Variants in SHISA6 observed in about 807,000 individuals in gnomAD.
SHISA6 encodes shisa family member 6, also known as protein shisa-6.
Under a neutral mutation model 47.9 loss-of-function variants are expected in SHISA6, and 22 were observed. The observed-to-expected ratio is 0.46, with a 90% CI of 0.33 to 0.66. The LOEUF (loss-of-function observed/expected upper bound fraction) is 0.66, where lower values mean the gene tolerates loss of function less well. SHISA6 is among the 30% of genes least tolerant of loss of function. The probability of loss-of-function intolerance (pLI) is 0.02; values close to 1 mark genes in which losing one functional copy is unlikely to be tolerated. For missense variants in SHISA6, 680 were observed against 764.6 expected, an observed-to-expected ratio of 0.89 and a Z score of 1.30; for synonymous variants, 388 against 337.8, an observed-to-expected ratio of 1.15 and a Z score of -1.63.
Position 11,524,062 on chromosome 17 carries a change from A to T in SHISA6, c.896-27834A>T, listed in dbSNP as rs1451456869. ...AAGAAAGAAAGAAAAAGAAGAAAGA[A>T]AGAAAGATGAAAGAAAGAAAAAGAA... On this transcript the variant is annotated intron_variant, in intron 3 of 5. Transcript: ENST00000441885. 1.1e-4 allele frequency among the ~76,000 whole-genome samples: 17 copies of T among 150,726 alleles called. No individual in the cohort carries two copies. The Admixed American group carries it at 1.2e-3, about 10-fold the overall frequency.
chr17:11,393,949 G>A lies in SHISA6; in HGVS notation c.895+14440G>A, dbSNP rs189366481. ...TACTTATTGAACCAATATACTCATC[G>A]TCCAGGTCTCTGCCTAAATTTTCCT... On this transcript the variant is annotated intron_variant, in intron 3 of 5. Coordinates refer to ENST00000441885, the MANE Select transcript of SHISA6 (RefSeq NM_207386.4). 1.1e-3 allele frequency among the ~76,000 whole-genome samples: 163 copies of A among 152,268 alleles called. 1 individual carries two copies. Among genetic ancestry groups the A allele is most frequent in the African/African-American group, 3.7e-3 (155 of 41,562 alleles).
intron 3 of SHISA6, among the ~76,000 whole-genome samples, chr17:11,530,686 C>A (rs1278123046): frequency 1.3e-5 from 2 of 152,186 alleles, no homozygotes; most frequent in Non-Finnish European, 2.9e-5. Context: ...AAAGTTCTAG[C>A]AGCATCCCTG....
At chr17:11,252,719 G>A (rs1907862177) in intron 1 of SHISA6, among the ~76,000 whole-genome samples, 1 of 152,222 alleles carries the variant, frequency 6.6e-6, no homozygotes, top group Non-Finnish European at 1.5e-5. Context: ...CTTAGTCACT[G>A]CTGTTGGACG....
At chr17:11,455,188 A>G (rs1915503983) in intron 3 of SHISA6, among the ~76,000 whole-genome samples, 1 of 151,602 alleles carries the variant, frequency 6.6e-6, no homozygotes, top group East Asian at 1.9e-4. Flanking sequence ...AAACAAACAA[A>G]CAAACAAAAA....
chr17:11,544,171 AAGC>A (rs2071860519), intron 3 of SHISA6, among the ~76,000 whole-genome samples: 1 of 152,150 alleles, frequency 6.6e-6, no homozygotes, highest in Non-Finnish European at 1.5e-5. Flanking sequence ...GAGAGTTCCT[AAGC>A]TTGATACCAG....
At chr17:11,281,077 G>GA (rs1197063653) in intron 2 of SHISA6, among the ~76,000 whole-genome samples, 4 of 152,060 alleles carry the variant, frequency 2.6e-5, no homozygotes, top group Non-Finnish European at 5.9e-5. Context: ...TAGATTTTTA[G>GA]AATTTTTACA....
At position 11,417,616 on chromosome 17, in the gene SHISA6, T is replaced by C. The variant is rs77372544; in HGVS notation, c.895+38107T>C. ...ATGCAGCCTTCTGATGCAGGCTTCTTCTCCTGAAAACAGCTCTGCTTTACA... is the reference window on the plus strand; with the variant it reads ...ATGCAGCCTTCTGATGCAGGCTTCTCCTCCTGAAAACAGCTCTGCTTTACA... On this transcript the variant is annotated intron_variant, in intron 3 of 5. Transcript: ENST00000441885. 2.8e-3 allele frequency among the ~76,000 whole-genome samples: 421 copies of C among 152,306 alleles called. 1 individual carries two copies. Among genetic ancestry groups the C allele is most frequent in the African/African-American group, 9.7e-3 (405 of 41,558 alleles).
At chr17:11,499,683 C>CTTTT (rs372464937) in intron 3 of SHISA6, among the ~76,000 whole-genome samples, 276 of 127,336 alleles carry the variant, frequency 2.2e-3, no homozygotes, top group African/African-American at 4.1e-3. Context: ...CTTTTTCTTT[C>CTTTT]TTTTTTTTTT....
chr17:11,298,050 G>A (rs957267521), intron 2 of SHISA6, among the ~76,000 whole-genome samples: 1 of 152,156 alleles, frequency 6.6e-6, no homozygotes, highest in African/African-American at 2.4e-5. Flanking sequence ...GTTATGGTGT[G>A]CTTATGTTAT....
At chr17:11,480,693 C>T (rs765386464) in intron 3 of SHISA6, among the ~76,000 whole-genome samples, 4 of 152,082 alleles carry the variant, frequency 2.6e-5, no homozygotes. Flanking sequence ...AATGACACAG[C>T]AATTATGGTC....
At chr17:11,459,638 GGTCCACACTCCCTA>G (rs1315367861) in intron 3 of SHISA6, among the ~76,000 whole-genome samples, 1 of 152,190 alleles carries the variant, frequency 6.6e-6, no homozygotes, top group Non-Finnish European at 1.5e-5. Flanking sequence ...GTTCTGTGAA[GGTCCACACTCCCTA>G]GCCTGCGTGA....
chr17:11,285,837 C>CTT (rs111973369), intron 2 of SHISA6, among the ~76,000 whole-genome samples: 15 of 140,762 alleles, frequency 1.1e-4, no homozygotes, highest in African/African-American at 1.6e-4. Context: ...CTCTCTCTCT[C>CTT]TTTTTTTTTT....
intron 2 of SHISA6, among the ~76,000 whole-genome samples, chr17:11,320,668 AAAG>A (rs1210382634): frequency 2.2e-3 from 328 of 148,398 alleles, no homozygotes; most frequent in African/African-American, 7.7e-3. Context: ...CCAAAAAAAA[AAAG>A]AGAGAGAGAG....
At chr17:11,479,346 A>G (rs1379914102) in intron 3 of SHISA6, among the ~76,000 whole-genome samples, 1 of 152,186 alleles carries the variant, frequency 6.6e-6, no homozygotes, top group Non-Finnish European at 1.5e-5. Flanking sequence ...CATTCTCAGC[A>G]AACTAACACA....
intron 1 of SHISA6, among the ~76,000 whole-genome samples, chr17:11,242,526 T>A (rs1282045134): frequency 6.6e-6 from 1 of 152,188 alleles, no homozygotes; most frequent in Non-Finnish European, 1.5e-5. Flanking sequence ...GATGTTCTCG[T>A]ACATTAGGAA....
chr17:11,542,511 G>A (rs952691256), intron 3 of SHISA6, among the ~76,000 whole-genome samples: 1 of 151,844 alleles, frequency 6.6e-6, no homozygotes, highest in Non-Finnish European at 1.5e-5. Flanking sequence ...ACAGACATTA[G>A]GACATAGCTC....
intron 3 of SHISA6, among the ~76,000 whole-genome samples, chr17:11,538,190 A>T (rs932673557): frequency 6.6e-6 from 1 of 152,116 alleles, no homozygotes; most frequent in Admixed American, 6.5e-5. Flanking sequence ...CAGCCTCCAA[A>T]GTAGCTGGGA....
intron 3 of SHISA6, among the ~76,000 whole-genome samples, chr17:11,463,067 G>A (rs1488434910): frequency 6.6e-6 from 1 of 152,216 alleles, no homozygotes; most frequent in African/African-American, 2.4e-5. Flanking sequence ...AGAGCACAGT[G>A]TTATTCACAT....
intron 2 of SHISA6, among the ~76,000 whole-genome samples, chr17:11,296,079 A>G (rs547006507): frequency 6.6e-6 from 1 of 152,018 alleles, no homozygotes; most frequent in East Asian, 1.9e-4. Context: ...TCAGAAGACC[A>G]GTGTGACTCC....
Sources: gnomAD v4.1 joint callset for allele counts (sites outside exome capture counted in the v4.1 genomes callset) on GRCh38, gnomAD v4.1.1 for gene constraint, MANE v1.5 for transcripts, NCBI Gene and HGNC (gene_info 2026-07-23, HGNC 2026-07-21) for gene names.